RBM39: variants seen among roughly 807,000 people sequenced by gnomAD.
RBM39 encodes RNA binding motif protein 39, also known as RNA-binding protein 39.
A neutral mutation model predicts 79.6 loss-of-function variants in RBM39; 12 were observed. That is an observed-to-expected ratio of 0.15 (90% confidence interval 0.10 to 0.24). The LOEUF is 0.24. RBM39 is among the 10% of genes least tolerant of loss of function. The pLI is 1.00. For missense variants in RBM39, 243 were observed against 653.4 expected, an observed-to-expected ratio of 0.37 and a Z score of 6.85; for synonymous variants, 185 against 208.4, an observed-to-expected ratio of 0.89 and a Z score of 0.97.
At chr20:35,717,599 G>C (rs2037311467) in intron 9 of RBM39, among the ~76,000 whole-genome samples, 1 of 152,102 alleles carries the variant, frequency 6.6e-6, no homozygotes, top group Non-Finnish European at 1.5e-5. Context: ...TCTGTGAATT[G>C]TACTAACTAA....
intron 2 of RBM39, chr20:35,740,256 C>A: frequency 5.8e-6 from 1 of 173,014 alleles, no homozygotes; most frequent in South Asian, 1.0e-4. Flanking sequence ...ATTAACTGAG[C>A]AGCAGATTGC....
intron 6 of RBM39, among the ~76,000 whole-genome samples, chr20:35,728,119 A>G (rs1158681916): frequency 1.3e-5 from 2 of 152,346 alleles, no homozygotes; most frequent in African/African-American, 2.4e-5. Flanking sequence ...AAAATAATCC[A>G]TGGAAACTTC....
intron 8 of RBM39, 56 bp from the exon 9 acceptor site, chr20:35,721,933 C>T (rs527288177): frequency 5.2e-6 from 8 of 1,551,716 alleles, no homozygotes; most frequent in African/African-American, 1.4e-5. Context: ...TAAAGACATA[C>T]ACCTTCCATT....
At chr20:35,704,818 G>A (rs2035523674) in intron 15 of RBM39, 72 bp from the exon 16 acceptor site, 1 of 1,368,162 alleles carries the variant, frequency 7.3e-7, no homozygotes, top group South Asian at 1.2e-5. Context: ...GTTTATTCAA[G>A]TTGCCTGTAG....
At chr20:35,736,542 A>T in intron 3 of RBM39, 1 of 470,620 alleles carries the variant, frequency 2.1e-6, no homozygotes. Flanking sequence ...AAAGACTGAC[A>T]TACTTACTAT....
chr20:35,741,217 A>G (rs576128583), intron 1 of RBM39, among the ~76,000 whole-genome samples: 3 of 150,900 alleles, frequency 2.0e-5, no homozygotes, highest in Admixed American at 2.0e-4. Flanking sequence ...TATTTTTGGT[A>G]GAGACGGGGT....
intron 3 of RBM39, among the ~76,000 whole-genome samples, chr20:35,737,822 C>G (rs1251844303): frequency 7.8e-6 from 1 of 127,546 alleles, no homozygotes; most frequent in African/African-American, 3.1e-5. Context: ...GCACTCCAGC[C>G]TGGGCAACAG....
intron 16 of RBM39, 32 bp from the exon 17 acceptor site, chr20:35,704,613 C>T (rs773297955): frequency 1.2e-6 from 2 of 1,610,022 alleles, no homozygotes; most frequent in Admixed American, 3.3e-5. Flanking sequence ...TTGGGTTTAG[C>T]ATCTTCATTA....
intron 9 of RBM39, among the ~76,000 whole-genome samples, chr20:35,718,813 CAAAAAA>C (rs555136304): frequency 7.9e-5 from 3 of 37,880 alleles, no homozygotes; most frequent in Admixed American, 5.8e-4. Context: ...TACTCCATCT[CAAAAAA>C]AAAAAAAAAA....
chr20:35,736,754 G>GA (rs2039965094), intron 3 of RBM39: 2 of 349,388 alleles, frequency 5.7e-6, no homozygotes, highest in Non-Finnish European at 1.2e-5. Context: ...AGGTTCAAGC[G>GA]ATTCTCCTGC....
intron 10 of RBM39, among the ~76,000 whole-genome samples, chr20:35,715,099 T>C (rs2036941278): frequency 6.6e-6 from 1 of 152,214 alleles, no homozygotes; most frequent in Admixed American, 6.5e-5. Flanking sequence ...AATGTAGATA[T>C]AAGCTAACAA....
In RBM39 at chr20:35,714,449, T is replaced by A. The variant is rs1292586165; in HGVS notation, c.892-60A>T. The stretch of plus-strand genomic sequence containing the variant: ...GCTTTAATTTTTAAAATACAAACTA[T>A]ACTTAAAAATATATTTATATTTTTA... On this transcript the variant is annotated intron_variant, in intron 10 of 16. Transcript: ENST00000253363. The A allele has an allele frequency of 2.7e-6, 4 of 1,474,038 alleles. No individual in the cohort carries two copies. In the East Asian group the frequency reaches 1.0e-4, roughly 37 times the overall value. The allele number at this position is 1,474,038 out of a possible 1,614,324, so 91.3% of individuals were successfully genotyped here.
intron 6 of RBM39, among the ~76,000 whole-genome samples, chr20:35,728,653 T>G (rs1198954771): frequency 6.6e-6 from 1 of 152,156 alleles, no homozygotes; most frequent in African/African-American, 2.4e-5. Context: ...GGCACATGCC[T>G]GTACTCCCAG....
rs74980478 is a variant in RBM39 at position 35,724,432 on chromosome 20, T to TAAA, written c.687+135_687+137dup. On this transcript the variant is annotated intron_variant, in intron 8 of 16. Coordinates refer to ENST00000253363, the MANE Select transcript of RBM39 (RefSeq NM_184234.3). ...GTATCAATGTTAATAAACGCAAAGTTAAAAAAAAAAAAAAAGTCCTGAAAA... is the reference window on the plus strand; with the variant it reads ...GTATCAATGTTAATAAACGCAAAGTTAAAAAAAAAAAAAAAAAAGTCCTGAAAA... The TAAA allele has an allele frequency of 5.9e-3, 3,647 of 617,470 alleles. 106 individuals carry two copies. The African/African-American group carries it at 0.068, about 11-fold the overall frequency. The allele number at this position is 617,470 out of a possible 1,614,324, so 38.2% of individuals were successfully genotyped here.
chr20:35,731,883 G>T, intron 4 of RBM39, 58 bp downstream of exon 4: 1 of 1,423,166 alleles, frequency 7.0e-7, no homozygotes, highest in South Asian at 1.2e-5. Flanking sequence ...AAGTTAAACT[G>T]CCATCTGAAT....
intron 8 of RBM39, among the ~76,000 whole-genome samples, chr20:35,723,126 G>A (rs183941194): frequency 2.6e-4 from 40 of 151,642 alleles, no homozygotes; most frequent in Non-Finnish European, 4.1e-4. Flanking sequence ...ATAACCGAAC[G>A]TAGTTGTTTG....
At chr20:35,710,718 T>C (rs954906799) in intron 12 of RBM39, among the ~76,000 whole-genome samples, 10 of 152,302 alleles carry the variant, frequency 6.6e-5, no homozygotes, top group Middle Eastern at 6.8e-3. Context: ...GCAAGTTATA[T>C]GTAATATTTT....
intron 6 of RBM39, among the ~76,000 whole-genome samples, chr20:35,728,164 A>G (rs1056279694): frequency 3.3e-5 from 5 of 152,224 alleles, no homozygotes; most frequent in African/African-American, 1.2e-4. Flanking sequence ...TCAAATCACT[A>G]AGACTTCTGA....
In RBM39 at chr20:35,709,113, T is replaced by G. The variant is rs887852721; in HGVS notation, c.1225+111A>C. 6.5e-6 allele frequency: 6 copies of G among 927,268 alleles called. No homozygotes were observed. The African/African-American group carries it at 8.4e-5, about 13-fold the overall frequency. The allele number at this position is 927,268 out of a possible 1,614,324, so 57.4% of individuals were successfully genotyped here. On this transcript the variant is annotated intron_variant, in intron 13 of 16. Coordinates refer to ENST00000253363, the MANE Select transcript of RBM39 (RefSeq NM_184234.3). ...ACCACTATGTGTCACTGTGTCAAAA[T>G]TTGGTCCAAATTACTGGTATAAAAA... is the stretch of plus-strand genomic sequence containing the variant.
Sources: allele counts gnomAD v4.1 joint callset (sites outside exome capture counted in the v4.1 genomes callset), GRCh38; gene constraint gnomAD v4.1.1; transcripts MANE v1.5; gene names NCBI Gene and HGNC (gene_info 2026-07-23, HGNC 2026-07-21).